The following RSPO3 variants were observed in gnomAD, a reference collection of about 807,000 sequenced individuals.
RSPO3 encodes the protein R-spondin 3.
RSPO3 carries 17 observed loss-of-function variants against 36.5 expected under a neutral mutation model. That is an observed-to-expected ratio of 0.47 (90% confidence interval 0.32 to 0.70). The LOEUF (loss-of-function observed/expected upper bound fraction) is 0.70, where lower values mean the gene tolerates loss of function less well. RSPO3 is among the 30% of genes least tolerant of loss of function. RSPO3 has a pLI of 0.04. For missense variants in RSPO3, 294 were observed against 322.5 expected (o/e 0.91, Z 0.68); for synonymous variants, 108 against 107.0 (o/e 1.01, Z -0.06).
intron 4 of RSPO3, among the ~76,000 whole-genome samples, chr6:127,190,703 G>A (rs1165413833): frequency 1.3e-5 from 2 of 152,152 alleles, no homozygotes; most frequent in African/African-American, 2.4e-5. Context: ...TACATTTTTA[G>A]CATTTGGGTA....
At chr6:127,182,236 T>TCC (rs1775203800) in intron 4 of RSPO3, among the ~76,000 whole-genome samples, 1 of 151,760 alleles carries the variant, frequency 6.6e-6, no homozygotes, top group Admixed American at 6.6e-5. Context: ...CCCAAACACC[T>TCC]CCCATTTGGC....
In RSPO3 at chr6:127,198,774, G is replaced by A. The variant is rs1775563918; in HGVS notation, c.*2767G>A. 1.3e-5 allele frequency among the ~76,000 whole-genome samples: 2 copies of A among 152,126 alleles called. No homozygotes were observed. Among genetic ancestry groups the A allele is most frequent in the Admixed American group, 1.3e-4 (2 of 15,262 alleles). On this transcript the variant is annotated 3_prime_UTR_variant, in exon 5 of 5. Transcript: ENST00000356698. ...ATGTGCAACAAGAAAGAGGGGAACT[G>A]GAGATGATCACTCTAGTTCCAGACA...
chr6:127,189,823 C>T (rs1006333850), intron 4 of RSPO3, among the ~76,000 whole-genome samples: 10 of 151,940 alleles, frequency 6.6e-5, no homozygotes, highest in African/African-American at 9.7e-5. Context: ...TGTAACCTAC[C>T]GCATAGGTAA....
rs1775553545 is a variant in RSPO3, at chr6:127,198,212, G to A, written c.*2205G>A. ...TTACCCTATGGTCCTTCTGACAATG[G>A]CAGAAGGTCTGAATCCTTGATGCTA... On this transcript the variant is annotated 3_prime_UTR_variant, in exon 5 of 5. Transcript: ENST00000356698. 6.6e-6 allele frequency among the ~76,000 whole-genome samples: 1 copy of A among 152,190 alleles called. No individual in the cohort carries two copies. Among genetic ancestry groups the A allele is most frequent in the Non-Finnish European group, 1.5e-5 (1 of 68,042 alleles).
chr6:127,140,260 T>C (rs917287373), intron 1 of RSPO3, among the ~76,000 whole-genome samples: 12 of 152,192 alleles, frequency 7.9e-5, no homozygotes, highest in Non-Finnish European at 1.8e-4. Flanking sequence ...TGCAAGACTG[T>C]AATTTTTTTG....
intron 4 of RSPO3, among the ~76,000 whole-genome samples, chr6:127,183,763 T>C (rs976887062): frequency 2.6e-5 from 4 of 151,916 alleles, no homozygotes; most frequent in Non-Finnish European, 5.9e-5. Context: ...GTGCACAAAA[T>C]TATGCAAGTA....
At chr6:127,180,024 A>C (rs1225931963) in intron 4 of RSPO3, among the ~76,000 whole-genome samples, 1 of 151,936 alleles carries the variant, frequency 6.6e-6, no homozygotes, top group Non-Finnish European at 1.5e-5. Flanking sequence ...AAAGATATGC[A>C]AATATGTATG....
intron 1 of RSPO3, among the ~76,000 whole-genome samples, chr6:127,122,175 A>C (rs775113936): frequency 1.3e-5 from 2 of 152,194 alleles, no homozygotes; most frequent in Non-Finnish European, 2.9e-5. Context: ...ATTTGTCTCT[A>C]CTTTGATATA....
intron 4 of RSPO3, among the ~76,000 whole-genome samples, chr6:127,190,461 A>G (rs1201970851): frequency 6.6e-6 from 1 of 152,066 alleles, no homozygotes; most frequent in Non-Finnish European, 1.5e-5. Context: ...AAAAGAACAA[A>G]AGCTGGAATT....
intron 3 of RSPO3, among the ~76,000 whole-genome samples, chr6:127,154,435 G>C (rs1774553306): frequency 6.6e-6 from 1 of 152,072 alleles, no homozygotes; most frequent in African/African-American, 2.4e-5. Flanking sequence ...ATCTCCAAAA[G>C]AAGCTTCAGA....
chr6:127,119,394 CT>C lies in RSPO3; in HGVS notation c.97+106del, dbSNP rs1773788434. 5 of 811,382 alleles carry C rather than the reference CT, an allele frequency of 6.2e-6. No individual in the cohort carries two copies. In the South Asian group the frequency reaches 7.9e-5, roughly 13 times the overall value. The allele number at this position is 811,382 out of a possible 1,614,324, so 50.3% of individuals were successfully genotyped here. On this transcript the variant is annotated intron_variant, in intron 1 of 4. Coordinates refer to ENST00000356698, the MANE Select transcript of RSPO3 (RefSeq NM_032784.5). ...TCCCAACTGCAGCGGTCCTCCCGCC[CT>C]GCGCCTCGCAGAGGAGATGCAGGTT... is the stretch of plus-strand genomic sequence containing the variant.
chr6:127,188,852 C>A (rs1156701910), intron 4 of RSPO3, among the ~76,000 whole-genome samples: 5 of 152,052 alleles, frequency 3.3e-5, no homozygotes, highest in Non-Finnish European at 7.4e-5. Flanking sequence ...CTCTTTTAAA[C>A]AGTTAGTCCA....
At chr6:127,122,993 T>C (rs1773874612) in intron 1 of RSPO3, among the ~76,000 whole-genome samples, 1 of 152,114 alleles carries the variant, frequency 6.6e-6, no homozygotes, top group Non-Finnish European at 1.5e-5. Context: ...ATATGCATAA[T>C]AATTTAAAAG....
intron 4 of RSPO3, among the ~76,000 whole-genome samples, chr6:127,195,324 T>C (rs1414836360): frequency 6.6e-6 from 1 of 152,048 alleles, no homozygotes. Flanking sequence ...TGCATCACCA[T>C]GCCTCATTGA....
At chr6:127,192,750 G>A (rs941125922) in intron 4 of RSPO3, 2 of 877,412 alleles carry the variant, frequency 2.3e-6, no homozygotes, top group Non-Finnish European at 1.4e-6. Context: ...TGAATATTCA[G>A]TGAATGGCAA....
At chr6:127,149,842 A>C (rs1369564533) in intron 2 of RSPO3, among the ~76,000 whole-genome samples, 1 of 152,036 alleles carries the variant, frequency 6.6e-6, no homozygotes, top group African/African-American at 2.4e-5. Flanking sequence ...TAAATAACTT[A>C]ATAATATTGT....
chr6:127,156,508 T>C (rs1001395651), intron 4 of RSPO3, among the ~76,000 whole-genome samples: 5 of 152,214 alleles, frequency 3.3e-5, no homozygotes, highest in African/African-American at 1.2e-4. Context: ...AATGATCTTC[T>C]CAATTAATTC....
chr6:127,161,333 C>T (rs1774706576), intron 4 of RSPO3, among the ~76,000 whole-genome samples: 1 of 152,016 alleles, frequency 6.6e-6, no homozygotes, highest in Non-Finnish European at 1.5e-5. Context: ...ATTTTACATC[C>T]TATTGTATGT....
chr6:127,163,250 C>A (rs1244103711), intron 4 of RSPO3, among the ~76,000 whole-genome samples: 1 of 152,102 alleles, frequency 6.6e-6, no homozygotes, highest in Non-Finnish European at 1.5e-5. Flanking sequence ...GTTCTCCTTC[C>A]CATCTCCCTA....
Sources: allele counts gnomAD v4.1 joint callset (sites outside exome capture counted in the v4.1 genomes callset), GRCh38; gene constraint gnomAD v4.1.1; transcripts MANE v1.5; gene names NCBI Gene and HGNC (gene_info 2026-07-23, HGNC 2026-07-21).